GCNT2: variants seen among roughly 807,000 people sequenced by gnomAD.
GCNT2 encodes the protein glucosaminyl (N-acetyl) transferase 2 (I blood group).
In GCNT2, 34 loss-of-function variants were observed where a neutral mutation model predicts 34.2. The ratio of observed to expected loss-of-function variants is 1.00; its 90% CI spans 0.76 to 1.32. The LOEUF (loss-of-function observed/expected upper bound fraction) is 1.32, where lower values mean the gene tolerates loss of function less well. Among genes scored for constraint, GCNT2 ranks in the 40% most tolerant of loss-of-function variants. GCNT2 has a pLI of 0.00. For missense variants in GCNT2, 584 were observed against 489.4 expected (o/e 1.19, Z -1.82); for synonymous variants, 212 against 188.0 (o/e 1.13, Z -1.04).
chr6:10,619,506 A>T (rs55679509), intron 3 of GCNT2: 19,640 of 152,032 alleles, frequency 0.13, 2,073 homozygotes, highest in African/African-American at 0.28. Flanking sequence ...GGAGTCACAA[A>T]GCCTGCCTAA....
chr6:10,556,885 G>A (rs1417447902), intron 3 of GCNT2: 1 of 1,614,014 alleles, frequency 6.2e-7, no homozygotes, highest in Non-Finnish European at 8.5e-7. Flanking sequence ...CTTCCAAGAT[G>A]GAACCCGTTG....
chr6:10,596,932 C>T (rs1764878684), intron 3 of GCNT2, among the ~76,000 whole-genome samples: 3 of 152,180 alleles, frequency 2.0e-5, no homozygotes, highest in South Asian at 4.1e-4. Flanking sequence ...TATTAAGCCT[C>T]GTTACTTTGC....
intron 3 of GCNT2, among the ~76,000 whole-genome samples, chr6:10,535,582 C>T (rs1302510711): frequency 1.3e-5 from 2 of 152,210 alleles, no homozygotes; most frequent in Non-Finnish European, 2.9e-5. Context: ...TAGGGACATT[C>T]AGTGAGTTTA....
chr6:10,573,999 CAGAG>C (rs780346550), intron 3 of GCNT2, among the ~76,000 whole-genome samples: 2 of 152,208 alleles, frequency 1.3e-5, no homozygotes, highest in African/African-American at 2.4e-5. Context: ...GGTTTGGCAA[CAGAG>C]AGAAATGTCT....
chr6:10,521,955 G>A (rs986390562), intron 1 of GCNT2, among the ~76,000 whole-genome samples: 21 of 151,368 alleles, frequency 1.4e-4, no homozygotes, highest in African/African-American at 4.6e-4. Context: ...GCGAGAGTAC[G>A]GTGGTGCGAT....
chr6:10,588,905 G>GTGTTGTGTGT (rs1491479418), intron 3 of GCNT2, among the ~76,000 whole-genome samples: 1 of 56,472 alleles, frequency 1.8e-5, no homozygotes, highest in African/African-American at 6.2e-5. Context: ...GTGTTGTGTG[G>GTGTTGTGTGT]TGTGTGTGTA....
chr6:10,555,807 T>C (rs1762672762), intron 3 of GCNT2: 1 of 985,388 alleles, frequency 1.0e-6, no homozygotes. Flanking sequence ...ATTTGAGATG[T>C]CACTTGTGTC....
At chr6:10,623,048 C>T (rs1038836855) in intron 4 of GCNT2, among the ~76,000 whole-genome samples, 4 of 151,892 alleles carry the variant, frequency 2.6e-5, no homozygotes, top group Non-Finnish European at 4.4e-5. Context: ...CTACTGCGCC[C>T]GGCCCCATCT....
chr6:10,596,822 T>C (rs1439118604), intron 3 of GCNT2, among the ~76,000 whole-genome samples: 1 of 152,166 alleles, frequency 6.6e-6, no homozygotes, highest in Non-Finnish European at 1.5e-5. Context: ...CTGAATGTAT[T>C]TTCCATTACT....
chr6:10,583,031 TCAGCACCTGGACC>T (rs756691058), intron 3 of GCNT2, among the ~76,000 whole-genome samples: 1 of 152,142 alleles, frequency 6.6e-6, no homozygotes, highest in Non-Finnish European at 1.5e-5. Flanking sequence ...CAGACTGGCT[TCAGCACCTGGACC>T]AGGGAGCTGT....
At chr6:10,579,841 A>AAAAAAAAC (rs1763992075) in intron 3 of GCNT2, among the ~76,000 whole-genome samples, 1 of 148,760 alleles carries the variant, frequency 6.7e-6, no homozygotes, top group African/African-American at 2.5e-5. Flanking sequence ...AAAAAAAAAA[A>AAAAAAAAC]AAAAAAACAA....
At chr6:10,557,030 C>G (rs921622046) in intron 3 of GCNT2, 2 of 1,613,116 alleles carry the variant, frequency 1.2e-6, no homozygotes, top group African/African-American at 1.3e-5. Flanking sequence ...GGAAATAGTT[C>G]AGTATCTGAA....
At chr6:10,579,490 T>G (rs1763969453) in intron 3 of GCNT2, among the ~76,000 whole-genome samples, 1 of 152,158 alleles carries the variant, frequency 6.6e-6, no homozygotes, top group South Asian at 2.1e-4. Context: ...TTGTTTGATC[T>G]CTATAAGTAC....
chr6:10,600,947 C>G (rs112216054), intron 3 of GCNT2, among the ~76,000 whole-genome samples: 1 of 152,040 alleles, frequency 6.6e-6, no homozygotes, highest in African/African-American at 2.4e-5. Flanking sequence ...CATGCCACCA[C>G]ACCCAGCAAA....
chr6:10,562,071 G>C (rs1234207173), intron 3 of GCNT2, among the ~76,000 whole-genome samples: 1 of 152,132 alleles, frequency 6.6e-6, no homozygotes, highest in African/African-American at 2.4e-5. Context: ...ACACATCTGA[G>C]ATGCCCAAGG....
chr6:10,541,359 C>T (rs1762030259), intron 3 of GCNT2, among the ~76,000 whole-genome samples: 2 of 152,166 alleles, frequency 1.3e-5, no homozygotes, highest in South Asian at 4.1e-4. Flanking sequence ...CTTTTTATGG[C>T]TGCATAATAT....
At chr6:10,570,452 A>G (rs1200114647) in intron 3 of GCNT2, among the ~76,000 whole-genome samples, 1 of 152,210 alleles carries the variant, frequency 6.6e-6, no homozygotes, top group Admixed American at 6.5e-5. Flanking sequence ...TCAGAACTTA[A>G]CTGTGAAAAT....
At chr6:10,586,082 A>C (rs1764330139) in intron 3 of GCNT2, 3 of 1,614,044 alleles carry the variant, frequency 1.9e-6, no homozygotes, top group Admixed American at 1.7e-5. Context: ...GCCCGCCAAA[A>C]AGTTATGAGA....
At chr6:10,604,149 G>A (rs1178671446) in intron 3 of GCNT2, among the ~76,000 whole-genome samples, 1 of 149,480 alleles carries the variant, frequency 6.7e-6, no homozygotes, top group Non-Finnish European at 1.5e-5. Context: ...CGCCCGCTTC[G>A]GCCTCCCAAA....
Sources: gnomAD v4.1 joint callset for allele counts (sites outside exome capture counted in the v4.1 genomes callset) on GRCh38, gnomAD v4.1.1 for gene constraint, MANE v1.5 for transcripts, NCBI Gene and HGNC (gene_info 2026-07-23, HGNC 2026-07-21) for gene names.